The following ZMAT4 variants were observed in gnomAD, a reference collection of about 807,000 sequenced individuals.
ZMAT4 encodes zinc finger matrin-type protein 4.
In ZMAT4, 17 loss-of-function variants were observed where a neutral mutation model predicts 28.7. The ratio of observed to expected loss-of-function variants is 0.59; its 90% CI spans 0.41 to 0.89. ZMAT4 has a LOEUF of 0.89. ZMAT4 is among the 40% of genes least tolerant of loss of function. The pLI, the probability that ZMAT4 is intolerant of heterozygous loss-of-function variation, is 0.00. For synonymous variants in ZMAT4, 117 were observed against 109.2 expected (o/e 1.07, Z -0.44); for missense variants, 240 against 283.8 (o/e 0.85, Z 1.11).
intron 3 of ZMAT4, among the ~76,000 whole-genome samples, chr8:40,711,296 C>T (rs1178767511): frequency 6.6e-6 from 1 of 151,854 alleles, no homozygotes; most frequent in Admixed American, 6.6e-5. Flanking sequence ...TCCAATTAAT[C>T]AATGAAAAAA....
chr8:40,674,226 C>T (rs1031709512), intron 5 of ZMAT4: 1 of 151,958 alleles, frequency 6.6e-6, no homozygotes, highest in African/African-American at 2.4e-5. Context: ...TCCCAAGTAG[C>T]TGGGATTATA....
At chr8:40,813,113 A>G (rs1422279527) in intron 2 of ZMAT4, among the ~76,000 whole-genome samples, 2 of 152,044 alleles carry the variant, frequency 1.3e-5, no homozygotes, top group African/African-American at 4.8e-5. Flanking sequence ...GTCTGGGTAC[A>G]CAAAAATATT....
At chr8:40,532,449 C>T (rs1324038995) in intron 6 of ZMAT4, among the ~76,000 whole-genome samples, 2 of 152,066 alleles carry the variant, frequency 1.3e-5, no homozygotes, top group Non-Finnish European at 1.5e-5. Flanking sequence ...TCTCCACATA[C>T]GTACAAGAAA....
chr8:40,810,970 A>G (rs962011435), intron 2 of ZMAT4, among the ~76,000 whole-genome samples: 5 of 152,198 alleles, frequency 3.3e-5, no homozygotes, highest in African/African-American at 1.2e-4. Context: ...AATAACAATA[A>G]TATATATCAA....
intron 1 of ZMAT4, among the ~76,000 whole-genome samples, chr8:40,880,436 G>C (rs949642399): frequency 6.6e-6 from 1 of 151,402 alleles, no homozygotes; most frequent in Non-Finnish European, 1.5e-5. Context: ...ACCAATTAAA[G>C]TTCCTTACTG....
chr8:40,645,357 G>A (rs1370308673), intron 5 of ZMAT4, among the ~76,000 whole-genome samples: 1 of 152,072 alleles, frequency 6.6e-6, no homozygotes, highest in African/African-American at 2.4e-5. Context: ...CAGTATTTGA[G>A]GGCAGAATTA....
intron 3 of ZMAT4, among the ~76,000 whole-genome samples, chr8:40,710,424 C>A (rs1810557946): frequency 6.6e-6 from 1 of 152,082 alleles, no homozygotes; most frequent in South Asian, 2.1e-4. Flanking sequence ...GAGTATCAAA[C>A]CCTGTAATTG....
intron 4 of ZMAT4, among the ~76,000 whole-genome samples, chr8:40,690,461 A>G (rs1322517371): frequency 6.6e-6 from 1 of 152,210 alleles, no homozygotes; most frequent in Non-Finnish European, 1.5e-5. Flanking sequence ...ATGCCTCAGA[A>G]CATGCCAGCT....
intron 5 of ZMAT4, among the ~76,000 whole-genome samples, chr8:40,616,446 T>C (rs181618221): frequency 1.2e-4 from 19 of 152,346 alleles, no homozygotes; most frequent in African/African-American, 4.3e-4. Flanking sequence ...TGTATGTTTA[T>C]TGTGGCACTA....
intron 1 of ZMAT4, among the ~76,000 whole-genome samples, chr8:40,894,181 C>G (rs947191613): frequency 1.3e-5 from 2 of 152,202 alleles, no homozygotes; most frequent in African/African-American, 4.8e-5. Flanking sequence ...GTGGGACTCT[C>G]CAGGTGTCAG....
At chr8:40,625,561 G>A (rs74924057) in intron 5 of ZMAT4, among the ~76,000 whole-genome samples, 5,652 of 152,138 alleles carry the variant, frequency 0.037, 141 homozygotes, top group Non-Finnish European at 0.06. Flanking sequence ...ACATTAGAGG[G>A]AAAGAAAGGA....
chr8:40,745,916 A>C (rs58574561), intron 3 of ZMAT4, among the ~76,000 whole-genome samples: 20,263 of 152,154 alleles, frequency 0.13, 1,924 homozygotes, highest in East Asian at 0.38. Context: ...CATCCTCTAG[A>C]ACTAATTTGT....
chr8:40,675,791 G>A (rs1403961523), intron 4 of ZMAT4, among the ~76,000 whole-genome samples: 1 of 152,200 alleles, frequency 6.6e-6, no homozygotes, highest in Admixed American at 6.5e-5. Flanking sequence ...GTAATAGGCT[G>A]TTTTCAACCT....
At chr8:40,548,508 T>A (rs1354884444) in intron 6 of ZMAT4, among the ~76,000 whole-genome samples, 1 of 152,208 alleles carries the variant, frequency 6.6e-6, no homozygotes, top group Admixed American at 6.5e-5. Context: ...ATTAATGTCA[T>A]GAAATTTAAA....
intron 2 of ZMAT4, among the ~76,000 whole-genome samples, chr8:40,810,104 A>G (rs1204486847): frequency 6.6e-6 from 1 of 152,122 alleles, no homozygotes; most frequent in Non-Finnish European, 1.5e-5. Flanking sequence ...ACATGCACAC[A>G]CATACATATA....
chr8:40,602,528 A>G (rs931103376), intron 5 of ZMAT4, among the ~76,000 whole-genome samples: 8 of 152,166 alleles, frequency 5.3e-5, no homozygotes, highest in Admixed American at 4.6e-4. Context: ...ATCCATGCCA[A>G]TCACTATATT....
chr8:40,616,663 A>G (rs1386132785), intron 5 of ZMAT4, among the ~76,000 whole-genome samples: 1 of 151,354 alleles, frequency 6.6e-6, no homozygotes, highest in Admixed American at 6.6e-5. Context: ...GCATGTTCTC[A>G]CTCATATGTG....
intron 3 of ZMAT4, among the ~76,000 whole-genome samples, chr8:40,713,349 G>A (rs1239562341): frequency 6.6e-6 from 1 of 151,506 alleles, no homozygotes; most frequent in African/African-American, 2.4e-5. Context: ...ATTGAAAACA[G>A]TTCAAAACAT....
intron 5 of ZMAT4, among the ~76,000 whole-genome samples, chr8:40,588,812 A>C (rs768989190): frequency 6.6e-5 from 10 of 152,184 alleles, no homozygotes; most frequent in Non-Finnish European, 1.0e-4. Flanking sequence ...GCAAATACTT[A>C]GTGTTAAAAA....
Sources: allele counts gnomAD v4.1 joint callset (sites outside exome capture counted in the v4.1 genomes callset), GRCh38; gene constraint gnomAD v4.1.1; transcripts MANE v1.5; gene names NCBI Gene and HGNC (gene_info 2026-07-23, HGNC 2026-07-21).